RBFOX1: variants seen among roughly 807,000 people sequenced by gnomAD.
RBFOX1 encodes RNA binding fox-1 homolog 1.
RBFOX1 carries 8 observed loss-of-function variants against 57.7 expected under a neutral mutation model. That is an observed-to-expected ratio of 0.14 (90% confidence interval 0.08 to 0.25). The LOEUF is 0.25. RBFOX1 is among the 10% of genes least tolerant of loss of function. The pLI is 1.00. For synonymous variants in RBFOX1, 326 were observed against 222.4 expected (o/e 1.47, Z -4.15); for missense variants, 611 against 548.5 (o/e 1.11, Z -1.14).
At chr16:7,245,171 C>G (rs774167597) in intron 4 of RBFOX1, among the ~76,000 whole-genome samples, 2 of 152,130 alleles carry the variant, frequency 1.3e-5, no homozygotes, top group African/African-American at 2.4e-5. Flanking sequence ...TCTTACATGT[C>G]TCTCTAGATC....
chr16:7,354,123 A>C (rs1457926556), intron 4 of RBFOX1, among the ~76,000 whole-genome samples: 1 of 152,000 alleles, frequency 6.6e-6, no homozygotes, highest in Non-Finnish European at 1.5e-5. Flanking sequence ...AGGATCTGCC[A>C]CCACGCCCAG....
chr16:7,620,842 T>G (rs2059201158), intron 10 of RBFOX1, among the ~76,000 whole-genome samples: 1 of 152,192 alleles, frequency 6.6e-6, no homozygotes, highest in Admixed American at 6.5e-5. Flanking sequence ...TTCTCTGAGC[T>G]TTCATTTCCT....
Position 6,896,004 on chromosome 16 carries a change from CATG to C in RBFOX1, c.-15-156051_-15-156049del, listed in dbSNP as rs540030741. Among the ~76,000 whole-genome samples the C allele has an allele frequency of 6.1e-4, 93 of 152,004 alleles. 1 individual carries two copies. Among genetic ancestry groups the C allele is most frequent in the Admixed American group, 1.4e-3 (22 of 15,252 alleles). On this transcript the variant is annotated intron_variant, in intron 3 of 15. Transcript: ENST00000550418. The stretch of plus-strand genomic sequence containing the variant: ...GGCATGCTGTGTGAAATAATCAAAT[CATG>C]AAGAATGGGATATCCATTGGGTTGG...
intron 1 of RBFOX1, among the ~76,000 whole-genome samples, chr16:5,376,189 G>A (rs2065978792): frequency 6.6e-6 from 1 of 151,580 alleles, no homozygotes; most frequent in Non-Finnish European, 1.5e-5. Flanking sequence ...AAAAAAAAAG[G>A]TTAGTAATCT....
Position 7,705,009 on chromosome 16 carries a change from A to C in RBFOX1, c.996-4047A>C, listed in dbSNP as rs936453708. 4.5e-4 allele frequency among the ~76,000 whole-genome samples: 67 copies of C among 147,488 alleles called. 2 individuals carry two copies. The highest frequency in any genetic ancestry group is 1.1e-3 in the South Asian group (5 of 4,620). On this transcript the variant is annotated intron_variant, in intron 14 of 15. Coordinates refer to ENST00000550418, the MANE Select transcript of RBFOX1 (RefSeq NM_018723.4). The stretch of plus-strand genomic sequence containing the variant: ...GAGTGAGCCGAGATCATGTCACTGC[A>C]CTCCAGCCGAGGTGACAGAGCAAGA...
intron 4 of RBFOX1, among the ~76,000 whole-genome samples, chr16:7,426,562 C>T (rs555121999): frequency 6.6e-6 from 1 of 152,290 alleles, no homozygotes; most frequent in African/African-American, 2.4e-5. Flanking sequence ...GCATGTTGTT[C>T]TTCAAACCAA....
chr16:5,953,065 G>T (rs189671334), intron 4 of RBFOX1, among the ~76,000 whole-genome samples: 2 of 141,856 alleles, frequency 1.4e-5, no homozygotes, highest in East Asian at 4.7e-4. Flanking sequence ...TATCAAGAAA[G>T]TACCACTGAT....
chr16:6,284,943 C>A (rs9939777), intron 1 of RBFOX1, among the ~76,000 whole-genome samples: 12,168 of 152,092 alleles, frequency 0.08, 514 homozygotes, highest in Middle Eastern at 0.15. Flanking sequence ...TGTTTCTTAT[C>A]CTCTTGCCTG....
chr16:7,280,949 CTA>C (rs2095528978), intron 4 of RBFOX1, among the ~76,000 whole-genome samples: 2 of 115,898 alleles, frequency 1.7e-5, no homozygotes, highest in African/African-American at 7.1e-5. Context: ...ATGTGATTCC[CTA>C]CCTACCTCCC....
chr16:6,358,277 T>C (rs950945267), intron 2 of RBFOX1, among the ~76,000 whole-genome samples: 1 of 152,182 alleles, frequency 6.6e-6, no homozygotes, highest in Non-Finnish European at 1.5e-5. Context: ...ATCATGTAAT[T>C]TTCCAGTACA....
At chr16:5,833,481 C>T (rs550472957) in intron 3 of RBFOX1, among the ~76,000 whole-genome samples, 9 of 128,950 alleles carry the variant, frequency 7.0e-5, no homozygotes, top group Admixed American at 5.6e-4. Flanking sequence ...GGCGACAGAG[C>T]GAGACTCTAT....
chr16:6,928,446 T>A (rs1344683566), intron 3 of RBFOX1, among the ~76,000 whole-genome samples: 1 of 152,092 alleles, frequency 6.6e-6, no homozygotes, highest in Non-Finnish European at 1.5e-5. Flanking sequence ...AGCCAAGAGC[T>A]CAGGACATGC....
intron 1 of RBFOX1, among the ~76,000 whole-genome samples, chr16:6,196,412 G>C (rs549274818): frequency 2.0e-5 from 3 of 152,242 alleles, no homozygotes; most frequent in South Asian, 4.1e-4. Context: ...TTTTTTGTAG[G>C]TAATTTAAAT....
intron 4 of RBFOX1, among the ~76,000 whole-genome samples, chr16:7,312,800 T>C (rs996501350): frequency 2.6e-5 from 4 of 152,230 alleles, no homozygotes; most frequent in African/African-American, 9.6e-5. Context: ...TATTCTGTGA[T>C]GCCAGAGACT....
chr16:6,446,985 A>G (rs1276335787), intron 2 of RBFOX1, among the ~76,000 whole-genome samples: 1 of 152,166 alleles, frequency 6.6e-6, no homozygotes, highest in East Asian at 1.9e-4. Flanking sequence ...TTCATTTTCC[A>G]GGAATGAAAA....
At chr16:6,088,899 A>G (rs990164110) in intron 1 of RBFOX1, among the ~76,000 whole-genome samples, 1 of 151,938 alleles carries the variant, frequency 6.6e-6, no homozygotes, top group Non-Finnish European at 1.5e-5. Context: ...GATCAATACC[A>G]TCCTCGCTAA....
At chr16:5,513,757 G>C (rs899993398) in intron 2 of RBFOX1, among the ~76,000 whole-genome samples, 4 of 152,002 alleles carry the variant, frequency 2.6e-5, no homozygotes, top group African/African-American at 9.7e-5. Context: ...TGCTCAAATT[G>C]TGCCAGATTC....
chr16:5,355,165 G>A (rs958220088), intron 1 of RBFOX1, among the ~76,000 whole-genome samples: 9 of 152,142 alleles, frequency 5.9e-5, no homozygotes, highest in African/African-American at 2.2e-4. Flanking sequence ...TGAGTATGTT[G>A]AATTTTGGAG....
chr16:6,104,132 AACACACACAC>A (rs112249231), intron 1 of RBFOX1, among the ~76,000 whole-genome samples: 3 of 148,472 alleles, frequency 2.0e-5, no homozygotes, highest in South Asian at 4.3e-4. Flanking sequence ...TCCCAGTTGA[AACACACACAC>A]ACACACACAC....
Sources: allele counts gnomAD v4.1 joint callset (sites outside exome capture counted in the v4.1 genomes callset), GRCh38; gene constraint gnomAD v4.1.1; transcripts MANE v1.5; gene names NCBI Gene and HGNC (gene_info 2026-07-23, HGNC 2026-07-21).